Variants in FAM168A observed in about 807,000 individuals in gnomAD.
FAM168A encodes the protein protein FAM168A.
In FAM168A, 3 loss-of-function variants were observed where a neutral mutation model predicts 28.5. The ratio of observed to expected loss-of-function variants is 0.11; its 90% CI spans 0.05 to 0.27. The LOEUF is 0.27. FAM168A is among the 10% of genes least tolerant of loss of function. The pLI is 1.00. For synonymous variants in FAM168A, 122 were observed against 124.2 expected, an observed-to-expected ratio of 0.98 and a Z score of 0.12; for missense variants, 222 against 311.5, an observed-to-expected ratio of 0.71 and a Z score of 2.16.
chr11:73,408,903 C>G (rs749950453), intron 6 of FAM168A, among the ~76,000 whole-genome samples: 27 of 151,964 alleles, frequency 1.8e-4, no homozygotes, highest in Non-Finnish European at 2.9e-4. Flanking sequence ...GCCCCTGTGT[C>G]TTCTTTTTTG....
chr11:73,574,743 T>A (rs936805860), intron 1 of FAM168A, among the ~76,000 whole-genome samples: 1 of 96,756 alleles, frequency 1.0e-5, no homozygotes, highest in Non-Finnish European at 2.2e-5. Flanking sequence ...TTTTTTTTTT[T>A]AGTAGAGAAA....
chr11:73,495,684 C>T (rs7934218), intron 1 of FAM168A, among the ~76,000 whole-genome samples: 33,743 of 152,110 alleles, frequency 0.22, 6,170 homozygotes, highest in African/African-American at 0.51. Flanking sequence ...TCAACATCAT[C>T]AGTTATCAGA....
chr11:73,443,642 G>T (rs1867245234), intron 2 of FAM168A, among the ~76,000 whole-genome samples: 1 of 152,172 alleles, frequency 6.6e-6, no homozygotes, highest in African/African-American at 2.4e-5. Flanking sequence ...GTCAAACTGA[G>T]ACAACCTGTA....
At chr11:73,512,095 A>G (rs1263780659) in intron 1 of FAM168A, among the ~76,000 whole-genome samples, 1 of 152,196 alleles carries the variant, frequency 6.6e-6, no homozygotes, top group Non-Finnish European at 1.5e-5. Context: ...AACTGGATAA[A>G]TGTGCCTACC....
intron 2 of FAM168A, among the ~76,000 whole-genome samples, chr11:73,467,396 T>C (rs1867751513): frequency 6.6e-6 from 1 of 151,812 alleles, no homozygotes; most frequent in African/African-American, 2.4e-5. Context: ...AGCTATTCTC[T>C]GACAGAGCTG....
intron 2 of FAM168A, among the ~76,000 whole-genome samples, chr11:73,464,904 A>AT: frequency 6.6e-6 from 1 of 151,904 alleles, no homozygotes; most frequent in Admixed American, 6.6e-5. Flanking sequence ...TGAGGCCCAG[A>AT]AAGCTTGATA....
intron 2 of FAM168A, among the ~76,000 whole-genome samples, chr11:73,434,386 G>GT (rs145616465): frequency 0.013 from 2,019 of 152,292 alleles, 43 homozygotes; most frequent in African/African-American, 0.045. Context: ...AGTGTCGAGG[G>GT]TAAGGGCACT....
chr11:73,490,728 G>C (rs1166125461), intron 1 of FAM168A, among the ~76,000 whole-genome samples: 1 of 152,102 alleles, frequency 6.6e-6, no homozygotes, highest in Non-Finnish European at 1.5e-5. Context: ...CTACCTAAAA[G>C]TGCAAACCTT....
chr11:73,497,866 C>T (rs6592526), intron 1 of FAM168A, among the ~76,000 whole-genome samples: 12,428 of 152,084 alleles, frequency 0.082, 641 homozygotes, highest in Non-Finnish European at 0.11. Context: ...CAAACCTGCA[C>T]GTTAGGCACA....
chr11:73,555,707 CAA>C (rs930124701), intron 1 of FAM168A, among the ~76,000 whole-genome samples: 5 of 117,996 alleles, frequency 4.2e-5, no homozygotes, highest in African/African-American at 6.3e-5. Flanking sequence ...GATTCCATCT[CAA>C]AAAAAAAAAA....
At chr11:73,515,587 C>T (rs548652849) in intron 1 of FAM168A, among the ~76,000 whole-genome samples, 1 of 151,098 alleles carries the variant, frequency 6.6e-6, no homozygotes, top group African/African-American at 2.4e-5. Flanking sequence ...CATTACCAAT[C>T]TATCTCATTA....
At chr11:73,459,328 A>G (rs1867599763) in intron 2 of FAM168A, among the ~76,000 whole-genome samples, 3 of 152,040 alleles carry the variant, frequency 2.0e-5, no homozygotes, top group Admixed American at 2.0e-4. Context: ...TACTGAAAAT[A>G]CAAAAAAATT....
chr11:73,524,027 T>G (rs1396270213), intron 1 of FAM168A, among the ~76,000 whole-genome samples: 2 of 152,102 alleles, frequency 1.3e-5, no homozygotes, highest in Admixed American at 1.3e-4. Context: ...CCCCGGCCCC[T>G]ACTCTCATAA....
At chr11:73,463,543 A>T (rs1042345480) in intron 2 of FAM168A, among the ~76,000 whole-genome samples, 2 of 152,204 alleles carry the variant, frequency 1.3e-5, no homozygotes, top group African/African-American at 2.4e-5. Flanking sequence ...GAAGCTCAGA[A>T]GAATGGTTTG....
chr11:73,473,522 T>C (rs1271684438), intron 1 of FAM168A, among the ~76,000 whole-genome samples: 1 of 152,196 alleles, frequency 6.6e-6, no homozygotes, highest in Non-Finnish European at 1.5e-5. Flanking sequence ...TGGCCTGATG[T>C]GCCTACCTCT....
At chr11:73,514,188 G>T (rs1012187002) in intron 1 of FAM168A, among the ~76,000 whole-genome samples, 2 of 151,050 alleles carry the variant, frequency 1.3e-5, no homozygotes, top group Non-Finnish European at 3.0e-5. Flanking sequence ...GTAGTGAGCA[G>T]GCCACTGTAC....
intron 6 of FAM168A, among the ~76,000 whole-genome samples, chr11:73,409,172 A>G (rs1282723198): frequency 6.6e-6 from 1 of 151,952 alleles, no homozygotes; most frequent in Non-Finnish European, 1.5e-5. Context: ...CCAAGCCCCT[A>G]TTTCCGAAGG....
chr11:73,542,611 T>G (rs929755938), intron 1 of FAM168A, among the ~76,000 whole-genome samples: 1 of 152,200 alleles, frequency 6.6e-6, no homozygotes, highest in African/African-American at 2.4e-5. Flanking sequence ...GAAGCCAAAA[T>G]GATCCTTTTA....
chr11:73,413,273 G>GT (rs1378212298), intron 4 of FAM168A, among the ~76,000 whole-genome samples: 3 of 152,162 alleles, frequency 2.0e-5, no homozygotes, highest in Non-Finnish European at 2.9e-5. Context: ...CAGATCCATA[G>GT]TTTTTTCCAT....
Sources: gnomAD v4.1 joint callset for allele counts (sites outside exome capture counted in the v4.1 genomes callset) on GRCh38, gnomAD v4.1.1 for gene constraint, MANE v1.5 for transcripts, NCBI Gene and HGNC (gene_info 2026-07-23, HGNC 2026-07-21) for gene names.